UBR4: variants seen among roughly 807,000 people sequenced by gnomAD.
UBR4 encodes the protein E3 ubiquitin-protein ligase UBR4.
A neutral mutation model predicts 575.6 loss-of-function variants in UBR4; 124 were observed. That is an observed-to-expected ratio of 0.22 (90% confidence interval 0.19 to 0.25). The LOEUF (loss-of-function observed/expected upper bound fraction) is 0.25, where lower values mean the gene tolerates loss of function less well. Among genes scored for constraint, UBR4 ranks in the 10% least tolerant of loss-of-function variants. The pLI, the probability that UBR4 is intolerant of heterozygous loss-of-function variation, is 1.00. For missense variants in UBR4, 4,818 were observed against 6,478.8 expected, an observed-to-expected ratio of 0.74 and a Z score of 8.80; for synonymous variants, 2,455 against 2,473.7, an observed-to-expected ratio of 0.99 and a Z score of 0.22.
At chr1:19,187,616 G>T (rs939684028) in intron 11 of UBR4, 76 bp from the exon 12 acceptor site, 8 of 1,473,358 alleles carry the variant, frequency 5.4e-6, no homozygotes, top group Non-Finnish European at 7.5e-6. Flanking sequence ...AGTGGATCTT[G>T]CCATTTTGGG....
intron 91 of UBR4, among the ~76,000 whole-genome samples, 169 bp from the exon 92 acceptor site, chr1:19,096,819 T>C (rs1207012344): frequency 6.6e-6 from 1 of 152,078 alleles, no homozygotes; most frequent in Non-Finnish European, 1.5e-5. Flanking sequence ...TATTAAACTG[T>C]CCCACTCTCA....
rs998611848 is a variant in UBR4 at position 19,117,710 on chromosome 1, C to T, written c.10629+113G>A. The T allele has an allele frequency of 2.8e-5, 31 of 1,105,690 alleles. No individual in the cohort carries two copies. In the African/African-American group the frequency reaches 3.4e-4, roughly 12 times the overall value. 68.5% of individuals were successfully genotyped at this position (1,105,690 alleles called of 1,614,324 possible). A position where few individuals can be genotyped will look rare whatever the true frequency, so the allele number is the denominator to read the frequency against. The stretch of plus-strand genomic sequence containing the variant: ...TGTGGCAGATAAAAATTCCTACTAT[C>T]GGTGACCAACCATTAGGAGAGGAAC... On this transcript the variant is annotated intron_variant, in intron 72 of 105. Transcript: ENST00000375254. The surrounding 1 kb of genome is among the most constrained non-coding windows in gnomAD (Gnocchi z 4.0).
intron 14 of UBR4, among the ~76,000 whole-genome samples, chr1:19,185,852 G>A (rs951095795): frequency 1.3e-5 from 2 of 152,094 alleles, no homozygotes; most frequent in African/African-American, 4.8e-5. Flanking sequence ...TTACAGGTGT[G>A]AGCCACCGCG....
In UBR4 at chr1:19,153,816, T is replaced by C. The variant is rs139086170; in HGVS notation, c.6582A>G (p.Pro2194=). 1.1e-5 allele frequency: 18 copies of C among 1,614,080 alleles called. No homozygotes were observed. The African/African-American group carries it at 2.4e-4, about 22-fold the overall frequency. ...TGVPLVVMVK[P]DTFLIQEIKT... is the part of the protein sequence containing the mutation. ...TAATCTCCTGGATAAGAAAAGTGTC[T>C]GGTTTCACCATAACTACCAGCGGCA... Residue 2194 remains proline, a synonymous_variant, in exon 45 of 106, where the codon CCA becomes CCG. Coordinates refer to ENST00000375254, the MANE Select transcript of UBR4 (RefSeq NM_020765.3). This position sits in a 1 kb window ranked among gnomAD's most constrained non-coding sequence, Gnocchi z 4.1.
chr1:19,164,495 T>C, intron 32 of UBR4, 54 bp from the exon 33 acceptor site: 2 of 1,554,666 alleles, frequency 1.3e-6, no homozygotes, highest in Non-Finnish European at 8.7e-7. Flanking sequence ...TCTCATTCTG[T>C]GTGTTATAAA....
At chr1:19,083,441 C>T (rs2076714091) in intron 102 of UBR4, among the ~76,000 whole-genome samples, 1 of 152,244 alleles carries the variant, frequency 6.6e-6, no homozygotes, top group African/African-American at 2.4e-5. Flanking sequence ...TGTACACAAC[C>T]TTTCAACAGG....
intron 11 of UBR4, among the ~76,000 whole-genome samples, chr1:19,189,885 C>G (rs1242565777): frequency 6.6e-6 from 1 of 152,140 alleles, no homozygotes; most frequent in Non-Finnish European, 1.5e-5. Flanking sequence ...TATCAACTTA[C>G]CATGTCAATA....
rs1259582962 is a variant in UBR4 at position 19,110,967 on chromosome 1, G to C, written c.11802-135C>G. 1.2e-6 allele frequency: 1 copy of C among 824,006 alleles called. No homozygotes were observed. The highest frequency in any genetic ancestry group is 1.7e-5 in the African/African-American group (1 of 57,604). The allele number at this position is 824,006 out of a possible 1,614,324, so 51.0% of individuals were successfully genotyped here. A position where few individuals can be genotyped will look rare whatever the true frequency, so the allele number is the denominator to read the frequency against. On this transcript the variant is annotated intron_variant, in intron 78 of 105. Transcript: ENST00000375254. The surrounding 1 kb of genome is among the most constrained non-coding windows in gnomAD (Gnocchi z 4.5). Reference sequence around the variant, plus strand: ...CCCAAATTTTCTACTTCCTTCCCGGGGCAAGACTAGAACTTTAGCTTCACA... The same window carrying C: ...CCCAAATTTTCTACTTCCTTCCCGGCGCAAGACTAGAACTTTAGCTTCACA...
rs892159810 is a variant in UBR4 at position 19,113,544 on chromosome 1, G to A, written c.11457+155C>T. ...CATAAATCACGGTGGGGGAGATGCC[G>A]TTTGGTGCAGCCATCTGCCTGCCTT... On this transcript the variant is annotated intron_variant, in intron 77 of 105. Transcript: ENST00000375254. 73 of 1,127,358 alleles carry A rather than the reference G, an allele frequency of 6.5e-5. 1 individual carries two copies. Among genetic ancestry groups the A allele is most frequent in the Admixed American group, 3.3e-4 (15 of 44,936 alleles). The allele number at this position is 1,127,358 out of a possible 1,614,324, so 69.8% of individuals were successfully genotyped here. A position where few individuals can be genotyped will look rare whatever the true frequency, so the allele number is the denominator to read the frequency against.
In UBR4 at chr1:19,075,108, G is replaced by C. The variant is rs2075793814; in HGVS notation, c.15488-212C>G. The C allele has an allele frequency of 1.0e-5, 6 of 596,398 alleles. No homozygotes were observed. The East Asian group carries it at 1.7e-4, about 17-fold the overall frequency. The allele number at this position is 596,398 out of a possible 1,614,324, so 36.9% of individuals were successfully genotyped here. A position where few individuals can be genotyped will look rare whatever the true frequency, so the allele number is the denominator to read the frequency against. On this transcript the variant is annotated intron_variant, in intron 105 of 105. Transcript: ENST00000375254. ...CCTGTTCCAGAAGCAGGCACTGCTG[G>C]AAGGTGTTTTTGTTCTCACATTTGA...
At position 19,086,178 on chromosome 1, in the gene UBR4, A is replaced by G. The variant is rs2076994095; in HGVS notation, c.14780T>C (p.Val4927Ala). 6.2e-7 allele frequency: 1 copy of G among 1,613,956 alleles called. No homozygotes were observed. The highest frequency in any genetic ancestry group is 8.5e-7 in the Non-Finnish European group (1 of 1,180,032). ...NGLLPVWGPH[V>A]PESAFATCLA... ...GCAAGTGGCAAAAGCTGATTCAGGG[A>G]CATGAGGTCCCCAGACCGGAAGGAG... The change falls in exon 101 of 106, where the codon GTC becomes GCC. Residue 4927 changes from valine (V) to alanine (A), a missense_variant. Transcript: ENST00000375254.
At chr1:19,134,086 TAAAAAAAA>T (rs71030132) in intron 60 of UBR4, among the ~76,000 whole-genome samples, 1 of 52,524 alleles carries the variant, frequency 1.9e-5, no homozygotes, top group Non-Finnish European at 3.1e-5. Context: ...ACTCTGTCTC[TAAAAAAAA>T]AAAAAAAAAA....
rs1234029581 is a variant in UBR4, at chr1:19,074,819, T to C, written c.*13A>G. On this transcript the variant is annotated 3_prime_UTR_variant, in exon 106 of 106. Transcript: ENST00000375254. The stretch of plus-strand genomic sequence containing the variant: ...CCAGCTTCGTCTTCGCCGCCGCAGC[T>C]GCTGTGTGGTGGTCAGGGGACTGAG... The C allele has an allele frequency of 6.2e-7, 1 of 1,613,866 alleles. No individual in the cohort carries two copies. The highest frequency in any genetic ancestry group is 1.3e-5 in the African/African-American group (1 of 74,920).
rs141046632 is a variant in UBR4, at chr1:19,193,457, G to A, written c.1119C>T (p.Asp373=). The stretch of plus-strand genomic sequence containing the variant: ...CACATTTCTGGACAATTGTAGCTGC[G>A]TCACTTTCATAGTCATCTTCTTTGG... ...TSSKEDDYES[D]AATIVQKCLE... Residue 373 remains aspartate (D), a synonymous_variant, in exon 9 of 106, where the codon GAC becomes GAT. Coordinates refer to ENST00000375254, the MANE Select transcript of UBR4 (RefSeq NM_020765.3). 17 of 1,614,052 alleles carry A rather than the reference G, an allele frequency of 1.1e-5. No homozygotes were observed. The highest frequency in any genetic ancestry group is 6.7e-5 in the African/African-American group (5 of 75,030).
chr1:19,151,268 T>C (rs1375012664), intron 48 of UBR4: 5 of 346,336 alleles, frequency 1.4e-5, no homozygotes, highest in African/African-American at 4.2e-5. Context: ...TAGCAAGCCA[T>C]TGCCAACCAT....
intron 17 of UBR4, among the ~76,000 whole-genome samples, chr1:19,180,345 T>C (rs1372630403): frequency 6.6e-6 from 1 of 152,014 alleles, no homozygotes; most frequent in East Asian, 1.9e-4. Context: ...TGTGCCACCA[T>C]GCCTGGCTAA....
intron 103 of UBR4, chr1:19,080,349 A>G (rs774060028): frequency 2.0e-5 from 3 of 152,168 alleles, no homozygotes; most frequent in Non-Finnish European, 4.4e-5. Context: ...TCTCTCTGGG[A>G]GCGTGAAGTG....
At chr1:19,081,834 A>G in intron 102 of UBR4, 1 of 665,476 alleles carries the variant, frequency 1.5e-6, no homozygotes, top group Admixed American at 2.4e-5. Flanking sequence ...GCTCTAATAC[A>G]ATTCCAAGCA....
intron 14 of UBR4, 42 bp from the exon 15 acceptor site, chr1:19,185,328 A>T (rs777206984): frequency 5.5e-5 from 82 of 1,502,306 alleles, no homozygotes; most frequent in Non-Finnish European, 5.9e-5. Context: ...AATATTTTTT[A>T]AAAGTGTTTT....
Sources: gnomAD v4.1 joint callset for allele counts (sites outside exome capture counted in the v4.1 genomes callset) on GRCh38, gnomAD v4.1.1 for gene constraint, Gnocchi (gnomAD v3.1) non-coding constraint, MANE v1.5 for transcripts, NCBI Gene and HGNC (gene_info 2026-07-23, HGNC 2026-07-21) for gene names.